SLC1A1: variants seen among roughly 807,000 people sequenced by gnomAD.
SLC1A1 encodes excitatory amino acid transporter 3.
Under a neutral mutation model 53.3 loss-of-function variants are expected in SLC1A1, and 43 were observed. The ratio of observed to expected loss-of-function variants is 0.81; its 90% CI spans 0.63 to 1.04. The LOEUF is 1.04. Among genes scored for constraint, SLC1A1 ranks in the 50% least tolerant of loss-of-function variants. The pLI is 0.00. For synonymous variants in SLC1A1, 307 were observed against 243.2 expected, an observed-to-expected ratio of 1.26 and a Z score of -2.44; for missense variants, 748 against 664.9, an observed-to-expected ratio of 1.12 and a Z score of -1.37.
At chr9:4,496,430 G>A (rs1376572477) in intron 1 of SLC1A1, among the ~76,000 whole-genome samples, 1 of 152,016 alleles carries the variant, frequency 6.6e-6, no homozygotes. Flanking sequence ...TTGTTGCCCA[G>A]GCTGGTCTTG....
intron 1 of SLC1A1, among the ~76,000 whole-genome samples, chr9:4,521,265 A>G (rs1816060978): frequency 6.6e-6 from 1 of 152,198 alleles, no homozygotes; most frequent in Non-Finnish European, 1.5e-5. Flanking sequence ...CATATTGTGA[A>G]GCTTGGTTGT....
At chr9:4,511,662 G>C (rs1386324791) in intron 1 of SLC1A1, among the ~76,000 whole-genome samples, 3 of 151,518 alleles carry the variant, frequency 2.0e-5, no homozygotes, top group Admixed American at 6.6e-5. Flanking sequence ...CTAAGAGCAG[G>C]AATAAGGCAA....
At chr9:4,517,381 AATACAATTTCT>A (rs1815889317) in intron 1 of SLC1A1, among the ~76,000 whole-genome samples, 1 of 152,136 alleles carries the variant, frequency 6.6e-6, no homozygotes, top group African/African-American at 2.4e-5. Context: ...TGCCTACTAG[AATACAATTTCT>A]CAGTGGCAGG....
chr9:4,498,782 A>C (rs72687845), intron 1 of SLC1A1, among the ~76,000 whole-genome samples: 1 of 150,808 alleles, frequency 6.6e-6, no homozygotes, highest in African/African-American at 2.4e-5. Flanking sequence ...GGGAGTTGCT[A>C]GTGAGTTAAG....
rs1819291914 is a variant in SLC1A1 at position 4,564,468 on chromosome 9, T to A, written c.440+10T>A. ...TGTTAGATCTCATCAGGTGAGTGTT[T>A]TGCCACAAGGTGGCTTCAAGGGCAT... On this transcript the variant is annotated intron_variant, in intron 4 of 11. Coordinates refer to ENST00000262352, the MANE Select transcript of SLC1A1 (RefSeq NM_004170.6). 6.3e-7 allele frequency: 1 copy of A among 1,575,292 alleles called. No individual in the cohort carries two copies. Among genetic ancestry groups the A allele is most frequent in the Admixed American group, 1.7e-5 (1 of 59,370 alleles).
intron 1 of SLC1A1, among the ~76,000 whole-genome samples, chr9:4,502,570 A>T (rs1413313782): frequency 6.6e-6 from 1 of 151,514 alleles, no homozygotes; most frequent in Non-Finnish European, 1.5e-5. Flanking sequence ...CCCTCAGTAC[A>T]ATGAGTTAGG....
chr9:4,491,203 T>G (rs113453955), intron 1 of SLC1A1, among the ~76,000 whole-genome samples: 104 of 152,286 alleles, frequency 6.8e-4, no homozygotes, highest in African/African-American at 2.5e-3. Flanking sequence ...GGATTACAGT[T>G]CTCAGTCGAA....
In SLC1A1 at chr9:4,583,317, C is replaced by G; in HGVS notation, c.1328+145C>G. The G allele has an allele frequency of 2.0e-6, 2 of 1,021,852 alleles. No homozygotes were observed. The highest frequency in any genetic ancestry group is 3.0e-6 in the Non-Finnish European group (2 of 657,728). The allele number at this position is 1,021,852 out of a possible 1,614,324, so 63.3% of individuals were successfully genotyped here. ...TTTAATTTTCCTCTGACCAGGCCAT[C>G]TGATAACATGCCTAAAAATTAACTC... On this transcript the variant is annotated intron_variant, in intron 11 of 11. Coordinates refer to ENST00000262352, the MANE Select transcript of SLC1A1 (RefSeq NM_004170.6). The surrounding 1 kb of genome is among the most constrained non-coding windows in gnomAD (Gnocchi z 4.6).
chr9:4,509,830 G>T (rs1820938131), intron 1 of SLC1A1, among the ~76,000 whole-genome samples: 1 of 152,126 alleles, frequency 6.6e-6, no homozygotes, highest in Admixed American at 6.5e-5. Flanking sequence ...AATGATGGCA[G>T]GGAAATTATT....
chr9:4,577,767 G>A (rs778896935), intron 10 of SLC1A1, among the ~76,000 whole-genome samples: 30 of 152,164 alleles, frequency 2.0e-4, no homozygotes, highest in Non-Finnish European at 3.8e-4. Context: ...GAGCCACCAC[G>A]CCCGGCAGAT....
At chr9:4,527,255 C>T (rs1816296148) in intron 1 of SLC1A1, among the ~76,000 whole-genome samples, 1 of 152,164 alleles carries the variant, frequency 6.6e-6, no homozygotes, top group Non-Finnish European at 1.5e-5. Flanking sequence ...GCCTAATTGA[C>T]ACCTTACTGA....
intron 1 of SLC1A1, among the ~76,000 whole-genome samples, chr9:4,502,297 GGATCACTT>G (rs1820658989): frequency 1.4e-5 from 2 of 143,596 alleles, no homozygotes; most frequent in Admixed American, 1.4e-4. Flanking sequence ...TGAGGTGAGA[GGATCACTT>G]GAGCCCGGGA....
intron 5 of SLC1A1, 41 bp from the exon 6 acceptor site, chr9:4,567,628 C>A (rs1819613285): frequency 7.4e-7 from 1 of 1,359,938 alleles, no homozygotes; most frequent in Admixed American, 1.8e-5. Flanking sequence ...AAAAAAAATT[C>A]TTTTTTTGTT....
Position 4,585,765 on chromosome 9 carries a change from A to C in SLC1A1, c.*207A>C. 1 of 604,338 alleles carries C rather than the reference A, an allele frequency of 1.7e-6. No individual in the cohort carries two copies. The highest frequency in any genetic ancestry group is 2.9e-6 in the Non-Finnish European group (1 of 346,782). The allele number at this position is 604,338 out of a possible 1,614,324, so 37.4% of individuals were successfully genotyped here. A position where few individuals can be genotyped will look rare whatever the true frequency, so the allele number is the denominator to read the frequency against. On this transcript the variant is annotated 3_prime_UTR_variant, in exon 12 of 12. Coordinates refer to ENST00000262352, the MANE Select transcript of SLC1A1 (RefSeq NM_004170.6). ...GTGTGGGGTAAGTTGAAGGGAAATC[A>C]ATTTAAAGGAAAGTTCTATTATCTG...
At position 4,583,051 on chromosome 9, in the gene SLC1A1, T is replaced by A; in HGVS notation, c.1207T>A (p.Ser403Thr). 2.5e-6 allele frequency: 4 copies of A among 1,614,246 alleles called. No homozygotes were observed. The highest frequency in any genetic ancestry group is 3.4e-6 in the Non-Finnish European group (4 of 1,180,030). Reference sequence around the variant, plus strand: ...ATGTTTCTGCAGTATCACGGCCACATCTGCCAGCATCGGAGCTGCTGGCGT... The same window carrying A: ...ATGTTTCTGCAGTATCACGGCCACAACTGCCAGCATCGGAGCTGCTGGCGT... ...QIITISITAT[S>T]ASIGAAGVPQ... Residue 403 changes from serine to threonine, a missense_variant, in exon 11 of 12, where the codon TCT becomes ACT. Transcript: ENST00000262352. This position sits in a 1 kb window ranked among gnomAD's most constrained non-coding sequence, Gnocchi z 4.6.
intron 10 of SLC1A1, among the ~76,000 whole-genome samples, chr9:4,580,174 T>A (rs1356371052): frequency 2.0e-5 from 3 of 151,114 alleles, no homozygotes; most frequent in Non-Finnish European, 4.4e-5. Context: ...GAGGTTGCAG[T>A]GAACTGAGAT....
intron 2 of SLC1A1, among the ~76,000 whole-genome samples, chr9:4,546,595 G>T (rs1277764413): frequency 1.3e-5 from 2 of 152,086 alleles, no homozygotes; most frequent in African/African-American, 4.8e-5. Flanking sequence ...TCACTCTTAC[G>T]TTACCTGCCT....
At chr9:4,560,619 T>C (rs1284468162) in intron 2 of SLC1A1, among the ~76,000 whole-genome samples, 2 of 152,160 alleles carry the variant, frequency 1.3e-5, no homozygotes, top group African/African-American at 4.8e-5. Flanking sequence ...AACATTATTT[T>C]TTCCAGTTAA....
chr9:4,508,511 G>C (rs1306152437), intron 1 of SLC1A1, among the ~76,000 whole-genome samples: 1 of 152,168 alleles, frequency 6.6e-6, no homozygotes, highest in Non-Finnish European at 1.5e-5. Context: ...CCATCCCCAG[G>C]AGGCATCCCC....
Sources: allele counts gnomAD v4.1 joint callset (sites outside exome capture counted in the v4.1 genomes callset), GRCh38; gene constraint gnomAD v4.1.1; non-coding constraint Gnocchi (gnomAD v3.1); transcripts MANE v1.5; gene names NCBI Gene and HGNC (gene_info 2026-07-23, HGNC 2026-07-21).